The following TMEM132C variants were observed in gnomAD, a reference collection of about 807,000 sequenced individuals.
The protein encoded by TMEM132C is protein phosphatase 1, regulatory subunit 152.
Under a neutral mutation model 61.4 loss-of-function variants are expected in TMEM132C, and 29 were observed. That is an observed-to-expected ratio of 0.47 (90% CI 0.35 to 0.64). The LOEUF is 0.64. TMEM132C is among the 30% of genes least tolerant of loss of function. The pLI, the probability that TMEM132C is intolerant of heterozygous loss-of-function variation, is 0.00. For missense variants in TMEM132C, 1,408 were observed against 1,476.9 expected (o/e 0.95, Z 0.76); for synonymous variants, 656 against 633.1 (o/e 1.04, Z -0.54).
At chr12:128,447,891 T>A (rs1870044090) in intron 2 of TMEM132C, among the ~76,000 whole-genome samples, 1 of 138,106 alleles carries the variant, frequency 7.2e-6, no homozygotes, top group Non-Finnish European at 1.5e-5. Context: ...CGCGCCCGGC[T>A]AATTTTTTGT....
chr12:128,392,528 G>C (rs562785725), intron 1 of TMEM132C, among the ~76,000 whole-genome samples: 29 of 152,282 alleles, frequency 1.9e-4, no homozygotes, highest in African/African-American at 6.7e-4. Context: ...AAGGAGCAAA[G>C]TGTGTAGTCC....
chr12:128,315,430 T>A (rs1872120382), intron 1 of TMEM132C, among the ~76,000 whole-genome samples: 1 of 152,096 alleles, frequency 6.6e-6, no homozygotes, highest in Non-Finnish European at 1.5e-5. Flanking sequence ...AGCTGAGTTT[T>A]AAAATAAGGA....
intron 2 of TMEM132C, among the ~76,000 whole-genome samples, chr12:128,489,636 T>C (rs1871641647): frequency 6.6e-6 from 1 of 151,414 alleles, no homozygotes; most frequent in Admixed American, 6.6e-5. Flanking sequence ...GGTCTGATCA[T>C]GCTACTCCCC....
At chr12:128,402,999 G>A (rs1875221864) in intron 1 of TMEM132C, among the ~76,000 whole-genome samples, 1 of 152,114 alleles carries the variant, frequency 6.6e-6, no homozygotes, top group Admixed American at 6.5e-5. Context: ...GGCTCAGAGG[G>A]GAATATAAGT....
chr12:128,482,566 G>T (rs1004144501), intron 2 of TMEM132C, among the ~76,000 whole-genome samples: 9 of 152,078 alleles, frequency 5.9e-5, no homozygotes, highest in Non-Finnish European at 8.8e-5. Flanking sequence ...GCTCTTCTTT[G>T]TACCTCTGGT....
chr12:128,540,544 G>A (rs1047445779), intron 2 of TMEM132C, among the ~76,000 whole-genome samples: 1 of 152,132 alleles, frequency 6.6e-6, no homozygotes. Flanking sequence ...GAGCCACCAC[G>A]CCCAGCCAAT....
chr12:128,697,292 G>A lies in TMEM132C; in HGVS notation c.1998G>A (p.Ser666=), dbSNP rs369860466. Residue 666 remains serine, a synonymous_variant, in exon 8 of 9, where the codon TCG becomes TCA. Coordinates refer to ENST00000435159, the MANE Select transcript of TMEM132C (RefSeq NM_001136103.3). ...KTITVLDDKV[S]VTDLAIQLVA... Reference sequence around the variant, plus strand: ...TAACCGTGCTAGATGACAAAGTATCGGTGACAGACTTGGCCATCCAGCTCG... The same window carrying A: ...TAACCGTGCTAGATGACAAAGTATCAGTGACAGACTTGGCCATCCAGCTCG... 111 of 1,550,360 alleles carry A rather than the reference G, an allele frequency of 7.2e-5. No homozygotes were observed. In the African/African-American group the frequency reaches 1.1e-3, roughly 16 times the overall value.
At chr12:128,639,897 C>G (rs551979754) in intron 4 of TMEM132C, among the ~76,000 whole-genome samples, 1 of 152,342 alleles carries the variant, frequency 6.6e-6, no homozygotes, top group South Asian at 2.1e-4. Flanking sequence ...CAAGTGAAGA[C>G]TGTTACATGG....
intron 7 of TMEM132C, 93 bp downstream of exon 7, chr12:128,696,196 C>A: frequency 1.4e-6 from 2 of 1,449,786 alleles, no homozygotes; most frequent in Non-Finnish European, 1.8e-6. Flanking sequence ...GTGGCCGATT[C>A]CCCAACCCAT....
chr12:128,469,600 C>G (rs980623381), intron 2 of TMEM132C, among the ~76,000 whole-genome samples: 1 of 151,450 alleles, frequency 6.6e-6, no homozygotes, highest in East Asian at 1.9e-4. Flanking sequence ...CTGGCCACAA[C>G]ATGCATTTTT....
chr12:128,433,335 T>C (rs1869461759), intron 2 of TMEM132C, among the ~76,000 whole-genome samples: 1 of 152,204 alleles, frequency 6.6e-6, no homozygotes, highest in Admixed American at 6.5e-5. Flanking sequence ...ACTGTGTAAC[T>C]AAACAATCCA....
intron 3 of TMEM132C, among the ~76,000 whole-genome samples, chr12:128,574,178 A>G (rs548531685): frequency 4.6e-5 from 7 of 152,190 alleles, no homozygotes; most frequent in East Asian, 3.9e-4. Flanking sequence ...GGACACTTCT[A>G]TTTCCCTGCT....
At chr12:128,563,859 A>G (rs1874606178) in intron 3 of TMEM132C, among the ~76,000 whole-genome samples, 1 of 152,166 alleles carries the variant, frequency 6.6e-6, no homozygotes, top group Admixed American at 6.5e-5. Context: ...GGTCGGCTTA[A>G]CCCATTTATG....
chr12:128,509,523 AAGG>A (rs1872503024), intron 2 of TMEM132C, among the ~76,000 whole-genome samples: 1 of 149,964 alleles, frequency 6.7e-6, no homozygotes. Context: ...GAGTAACAAG[AAGG>A]AGGCAGTTTT....
intron 1 of TMEM132C, among the ~76,000 whole-genome samples, chr12:128,408,098 G>T (rs1280110701): frequency 6.6e-6 from 1 of 152,104 alleles, no homozygotes; most frequent in Admixed American, 6.5e-5. Context: ...GGCTCAACAG[G>T]AAGGGATGAG....
At chr12:128,430,943 A>C (rs1183464522) in intron 2 of TMEM132C, among the ~76,000 whole-genome samples, 2 of 152,172 alleles carry the variant, frequency 1.3e-5, no homozygotes, top group African/African-American at 4.8e-5. Context: ...GAATAACCCT[A>C]CACGGGCCTC....
chr12:128,294,598 C>T (rs559046599), intron 1 of TMEM132C, among the ~76,000 whole-genome samples: 6 of 152,318 alleles, frequency 3.9e-5, no homozygotes, highest in Non-Finnish European at 5.9e-5. Context: ...GAATTTGTTT[C>T]TTGCAGTTCC....
At chr12:128,426,038 G>T (rs567683175) in intron 2 of TMEM132C, among the ~76,000 whole-genome samples, 2 of 152,326 alleles carry the variant, frequency 1.3e-5, no homozygotes, top group African/African-American at 4.8e-5. Context: ...TTCAGAGCCT[G>T]CCACTCAGTC....
chr12:128,468,972 T>C (rs1223777739), intron 2 of TMEM132C, among the ~76,000 whole-genome samples: 1 of 152,210 alleles, frequency 6.6e-6, no homozygotes, highest in East Asian at 1.9e-4. Flanking sequence ...TTCTTCTCCA[T>C]TTCCTTCTAG....
Sources: allele counts gnomAD v4.1 joint callset (sites outside exome capture counted in the v4.1 genomes callset), GRCh38; gene constraint gnomAD v4.1.1; transcripts MANE v1.5; gene names NCBI Gene and HGNC (gene_info 2026-07-23, HGNC 2026-07-21).